The following TSEN2 variants were observed in gnomAD, a reference collection of about 807,000 sequenced individuals.
TSEN2 encodes tRNA-splicing endonuclease subunit Sen2.
A neutral mutation model predicts 59.2 loss-of-function variants in TSEN2; 54 were observed. The ratio of observed to expected loss-of-function variants is 0.91; its 90% CI spans 0.73 to 1.14. The LOEUF is 1.14. Among genes scored for constraint, TSEN2 ranks in the 50% most tolerant of loss-of-function variants. The pLI is 0.00. For synonymous variants in TSEN2, 195 were observed against 198.2 expected (o/e 0.98, Z 0.14); for missense variants, 636 against 576.2 (o/e 1.10, Z -1.06).
In TSEN2 at chr3:12,521,027, G is replaced by A. The variant is rs149796667; in HGVS notation, c.1099+1830G>A. Among the ~76,000 whole-genome samples the A allele has an allele frequency of 1.1e-3, 170 of 152,294 alleles. No individual in the cohort carries two copies. The South Asian group carries it at 0.021, about 18-fold the overall frequency. On this transcript the variant is annotated intron_variant, in intron 8 of 11. Transcript: ENST00000284995. Reference sequence around the variant, plus strand: ...TCATTTAATTCCCACTTACAAGTAAGAATATGTGGTATTTGGTTGTCTGTT... The same window carrying A: ...TCATTTAATTCCCACTTACAAGTAAAAATATGTGGTATTTGGTTGTCTGTT...
At chr3:12,488,891 G>T (rs989568801) in intron 1 of TSEN2, among the ~76,000 whole-genome samples, 1 of 152,208 alleles carries the variant, frequency 6.6e-6, no homozygotes, top group Non-Finnish European at 1.5e-5. Flanking sequence ...CACACTCGGG[G>T]TCGTCTACAA....
rs1379241827 is a variant in TSEN2, at chr3:12,532,689, T to G, written c.1366T>G (p.Ser456Ala). The G allele has an allele frequency of 6.2e-7, 1 of 1,614,204 alleles. No homozygotes were observed. Among genetic ancestry groups the G allele is most frequent in the Non-Finnish European group, 8.5e-7 (1 of 1,180,044 alleles). Residue 456 changes from serine (S) to alanine (A), a missense_variant, in exon 12 of 12, where the codon TCA (serine) becomes GCA (alanine). Transcript: ENST00000284995. ...QEVILSRWVS[S>A]RERSDQDDL ...GGTGATTCTGAGTCGATGGGTTTCT[T>G]CACGAGAGAGGAGTGACCAAGACGA...
chr3:12,529,421 G>A (rs1253711439), intron 9 of TSEN2, among the ~76,000 whole-genome samples: 8 of 142,300 alleles, frequency 5.6e-5, no homozygotes, highest in Non-Finnish European at 1.0e-4. Context: ...AGCCAAGATC[G>A]CACCACTGCA....
At chr3:12,481,349 T>G (rs907416373), upstream of TSEN2, among the ~76,000 whole-genome samples, 2 of 152,128 alleles carry the variant, frequency 1.3e-5, no homozygotes, top group Non-Finnish European at 2.9e-5. Context: ...CATCTGCAGA[T>G]GTGTGCATGC....
At chr3:12,539,377 G>A in exon 11 of TSEN2, 1 of 304,360 alleles carries the variant, frequency 3.3e-6, no homozygotes. Context: ...CAAGTGATCT[G>A]CCCGCCTTGG....
intron 1 of TSEN2, among the ~76,000 whole-genome samples, chr3:12,487,016 A>G (rs1326836034): frequency 2.0e-5 from 3 of 152,226 alleles, no homozygotes; most frequent in African/African-American, 7.2e-5. Flanking sequence ...AAATTTTTCC[A>G]TGAACATATG....
At chr3:12,523,836 G>A (rs796170) in intron 8 of TSEN2, among the ~76,000 whole-genome samples, 1 of 151,848 alleles carries the variant, frequency 6.6e-6, no homozygotes, top group African/African-American at 2.4e-5. Flanking sequence ...CGTGGCATCC[G>A]GGCCTTTGAT....
intron 6 of TSEN2, among the ~76,000 whole-genome samples, chr3:12,515,580 T>C (rs1030059220): frequency 6.6e-6 from 1 of 152,218 alleles, no homozygotes; most frequent in Non-Finnish European, 1.5e-5. Flanking sequence ...CTGTAGACCC[T>C]AAGCGCCCTG....
chr3:12,532,183 T>G (rs1234550756), intron 11 of TSEN2, among the ~76,000 whole-genome samples: 2 of 152,204 alleles, frequency 1.3e-5, no homozygotes, highest in Non-Finnish European at 2.9e-5. Flanking sequence ...CGTCCTGTCT[T>G]CTTTTCACAC....
At chr3:12,503,204 G>A (rs1390732425) in intron 4 of TSEN2, 58 bp from the exon 5 acceptor site, 2 of 1,606,066 alleles carry the variant, frequency 1.2e-6, no homozygotes, top group African/African-American at 2.7e-5. Flanking sequence ...TATGTGCTTT[G>A]TTGTTTTTTC....
intron 6 of TSEN2, 61 bp downstream of exon 6, chr3:12,505,292 G>A: frequency 1.0e-6 from 1 of 997,236 alleles, no homozygotes; most frequent in Non-Finnish European, 1.6e-6. Context: ...TACACTATAT[G>A]TGAACCTACC....
rs377222997 is a variant in TSEN2, at chr3:12,531,534, T to C, written c.1249-36T>C. 2.1e-6 allele frequency: 3 copies of C among 1,418,722 alleles called. No individual in the cohort carries two copies. The African/African-American group carries it at 4.2e-5, about 20-fold the overall frequency. The allele number at this position is 1,418,722 out of a possible 1,614,324, so 87.9% of individuals were successfully genotyped here. A position where few individuals can be genotyped will look rare whatever the true frequency, so the allele number is the denominator to read the frequency against. ...TGCACCCAAATTTGTACTATTATTT[T>C]GTAGGATACAGAAGTGGTTTTTCAT... On this transcript the variant is annotated intron_variant, in intron 10 of 11. Transcript: ENST00000284995.
chr3:12,490,022 C>A, intron 2 of TSEN2, 33 bp downstream of exon 2: 1 of 1,604,268 alleles, frequency 6.2e-7, no homozygotes, highest in African/African-American at 1.3e-5. Flanking sequence ...AGATTACTTT[C>A]AGACAACCCT....
Position 12,523,602 on chromosome 3 carries a change from C to T in TSEN2, c.1099+4405C>T, listed in dbSNP as rs952109014. Among the ~76,000 whole-genome samples, 7 of 136,790 alleles carry T rather than the reference C, an allele frequency of 5.1e-5. No individual in the cohort carries two copies. The Admixed American group carries it at 5.8e-4, about 11-fold the overall frequency. 89.7% of individuals were successfully genotyped at this position (136,790 alleles called of 152,430 possible). A position where few individuals can be genotyped will look rare whatever the true frequency, so the allele number is the denominator to read the frequency against. On this transcript the variant is annotated intron_variant, in intron 8 of 11. Transcript: ENST00000284995. ...TGGCTGGAGTGCAGTGGCACGATCT[C>T]GATCTCGGCTCACTACAACCTCTGC...
chr3:12,513,981 C>T (rs1483771317), intron 6 of TSEN2, among the ~76,000 whole-genome samples: 3 of 152,160 alleles, frequency 2.0e-5, no homozygotes, highest in Admixed American at 2.0e-4. Flanking sequence ...TCTTTTTTGT[C>T]TTTCAACACA....
rs751543124 is a variant in TSEN2, at chr3:12,496,550, A to G, written c.304A>G (p.Lys102Glu). The G allele has an allele frequency of 5.0e-6, 8 of 1,614,004 alleles. No homozygotes were observed. In the South Asian group the frequency reaches 6.6e-5, roughly 13 times the overall value. ...GACAAACATGCCTATCATCACATCAAAGAGGTAAGTCATAATGAACTTTGG... is the reference window on the plus strand; with the variant it reads ...GACAAACATGCCTATCATCACATCAGAGAGGTAAGTCATAATGAACTTTGG... ...MKTNMPIITS[K>E]RYQHSVEWAA... Residue 102 changes from lysine to glutamate, a missense_variant, in exon 4 of 12, where the codon AAG becomes GAG. Coordinates refer to ENST00000284995, the MANE Select transcript of TSEN2 (RefSeq NM_025265.4).
chr3:12,506,461 G>A (rs1042163457), intron 6 of TSEN2, among the ~76,000 whole-genome samples: 1 of 151,830 alleles, frequency 6.6e-6, no homozygotes, highest in Non-Finnish European at 1.5e-5. Context: ...CAGGTGTGGC[G>A]GTGCATGCCT....
At chr3:12,521,372 G>C (rs1286554854) in intron 8 of TSEN2, among the ~76,000 whole-genome samples, 1 of 152,198 alleles carries the variant, frequency 6.6e-6, no homozygotes, top group East Asian at 1.9e-4. Flanking sequence ...GATAAGCACT[G>C]TAAGAAGAAG....
At chr3:12,514,428 A>G (rs1196577343) in intron 6 of TSEN2, among the ~76,000 whole-genome samples, 2 of 152,160 alleles carry the variant, frequency 1.3e-5, no homozygotes, top group Non-Finnish European at 2.9e-5. Context: ...TTCGTGTGCC[A>G]AGAAGATGAA....
Sources: gnomAD v4.1 joint callset for allele counts (sites outside exome capture counted in the v4.1 genomes callset) on GRCh38, gnomAD v4.1.1 for gene constraint, MANE v1.5 for transcripts, NCBI Gene and HGNC (gene_info 2026-07-23, HGNC 2026-07-21) for gene names.